NT5DC3: variants seen among roughly 807,000 people sequenced by gnomAD.
The protein encoded by NT5DC3 is 5'-nucleotidase domain containing 3, also known as 5'-nucleotidase domain-containing protein 3.
Under a neutral mutation model 67.8 loss-of-function variants are expected in NT5DC3, and 42 were observed. The observed-to-expected ratio is 0.62, with a 90% CI of 0.48 to 0.80. The LOEUF is 0.80. NT5DC3 is among the 30% of genes least tolerant of loss of function. The probability of loss-of-function intolerance (pLI) is 0.00; values close to 1 mark genes in which losing one functional copy is unlikely to be tolerated. For synonymous variants in NT5DC3, 237 were observed against 255.6 expected, an observed-to-expected ratio of 0.93 and a Z score of 0.69; for missense variants, 570 against 696.4, an observed-to-expected ratio of 0.82 and a Z score of 2.04.
chr12:103,766,213 T>C, downstream of NT5DC3: 3 of 1,588,686 alleles, frequency 1.9e-6, no homozygotes, highest in Non-Finnish European at 2.6e-6. Flanking sequence ...CTCAGACCAG[T>C]GGCCACCAGA....
chr12:103,755,991 A>G, the NT5DC3 span, among the ~76,000 whole-genome samples: 1 of 152,158 alleles, frequency 6.6e-6, no homozygotes, highest in African/African-American at 2.4e-5. Context: ...AAATGAGTTA[A>G]TAGTTGTGAA....
chr12:103,786,480 TG>T (rs912565788), intron 11 of NT5DC3, among the ~76,000 whole-genome samples: 4 of 152,022 alleles, frequency 2.6e-5, no homozygotes, highest in African/African-American at 9.7e-5. Flanking sequence ...AGAGGTGGGC[TG>T]GGGAAGGGGA....
At chr12:103,819,585 A>G (rs1053888117) in intron 1 of NT5DC3, 1 of 152,218 alleles carries the variant, frequency 6.6e-6, no homozygotes, top group Admixed American at 6.5e-5. Flanking sequence ...AGCCACTCTG[A>G]GCTGGGAGCT....
intron 1 of NT5DC3, among the ~76,000 whole-genome samples, chr12:103,833,484 T>A (rs906768927): frequency 1.1e-4 from 17 of 152,206 alleles, no homozygotes. Flanking sequence ...TTGTGTCTTA[T>A]GCTTATACAC....
At chr12:103,838,839 T>TG (rs1888259203) in intron 1 of NT5DC3, among the ~76,000 whole-genome samples, 1 of 152,016 alleles carries the variant, frequency 6.6e-6, no homozygotes, top group Non-Finnish European at 1.5e-5. Context: ...TTATACTTGG[T>TG]GAAAAAAAAC....
In NT5DC3 at chr12:103,815,112, G is replaced by A; in HGVS notation, c.218C>T (p.Pro73Leu). 6.2e-7 allele frequency: 1 copy of A among 1,606,432 alleles called. No individual in the cohort carries two copies. The highest frequency in any genetic ancestry group is 8.5e-7 in the Non-Finnish European group (1 of 1,175,742). ...ATTCAACAAGTTGCTCATAATGGAA[G>A]GAACCAATTCTGGAAATAAAGAAAA... is the stretch of plus-strand genomic sequence containing the variant. The part of the protein sequence containing the change: ...EAKRSTEELV[P>L]SIMSNLLNPD... Residue 73 changes from proline to leucine, a missense_variant, in exon 2 of 14, where the codon CCT (proline) becomes CTT (leucine). By Grantham distance (98) the Pro-to-Leu change is moderately conservative (BLOSUM62 -3). Around this residue, in one of 2 missense-constraint regions of NT5DC3, gnomAD observed 466 missense variants for 608.0 expected, o/e 0.77. Transcript: ENST00000392876.
At chr12:103,758,130 C>T in the NT5DC3 span, 1 of 1,612,976 alleles carries the variant, frequency 6.2e-7, no homozygotes, top group East Asian at 2.2e-5. Context: ...TCCCTGCACA[C>T]CAGGGCTGGC....
intron 1 of NT5DC3, among the ~76,000 whole-genome samples, chr12:103,833,186 AC>A (rs970690402): frequency 6.6e-6 from 1 of 151,652 alleles, no homozygotes; most frequent in Admixed American, 6.6e-5. Flanking sequence ...TAAACCTACT[AC>A]CCCCGTCATT....
In NT5DC3 at chr12:103,815,021, A is replaced by C. The variant is rs200610774; in HGVS notation, c.309T>G (p.Tyr103Ter). Reference protein sequence around the residue: ...LSDIEIYGFDYDYTLVFYSKH... With the variant: ...LSDIEIYGFD ...TTGAATAAAACACCAAGGTGTAATC[A>C]TAATCGAAGCCATAGATTTCAATGT... is the stretch of plus-strand genomic sequence containing the variant. The change falls in exon 2 of 14, where the codon TAT (tyrosine) becomes TAG (stop). Residue 103 changes from tyrosine to a stop codon, truncating the protein, a stop_gained. Coordinates refer to ENST00000392876, the MANE Select transcript of NT5DC3 (RefSeq NM_001031701.3). LOFTEE classifies it high-confidence loss of function. 1 of 1,613,920 alleles carries C rather than the reference A, an allele frequency of 6.2e-7. No homozygotes were observed. Among genetic ancestry groups the C allele is most frequent in the Non-Finnish European group, 8.5e-7 (1 of 1,179,796 alleles).
rs1481725056 is a variant in NT5DC3 at position 103,793,487 on chromosome 12, C to T, written c.840G>A (p.Gln280=). 1 of 1,613,896 alleles carries T rather than the reference C, an allele frequency of 6.2e-7. No homozygotes were observed. Among genetic ancestry groups the T allele is most frequent in the Non-Finnish European group, 8.5e-7 (1 of 1,179,902 alleles). The change falls in exon 8 of 14, where the codon CAG becomes CAA. Residue 280 remains glutamine, a synonymous_variant. Transcript: ENST00000392876. ...DIEKYICYAE[Q]TRAVLAKLAD... ...CCAGTTTGGCCAACACTGCGCGGGTCTGCTCAGCATAGCAGATGTACTTTT... is the reference window on the plus strand; with the variant it reads ...CCAGTTTGGCCAACACTGCGCGGGTTTGCTCAGCATAGCAGATGTACTTTT...
chr12:103,821,205 C>T (rs1375261425), intron 1 of NT5DC3, among the ~76,000 whole-genome samples: 1 of 152,256 alleles, frequency 6.6e-6, no homozygotes, highest in East Asian at 1.9e-4. Context: ...CCCCAGTAGA[C>T]TCTGCAAGAG....
chr12:103,815,138 A>C lies in NT5DC3; in HGVS notation c.209-17T>G, dbSNP rs760820181. On this transcript the variant is annotated splice_polypyrimidine_tract_variant and intron_variant, in intron 1 of 13. Transcript: ENST00000392876. ...GAACCAATTCTGGAAATAAAGAAAA[A>C]AAATACATTATACTACATAATAAAT... The C allele has an allele frequency of 6.5e-7, 1 of 1,539,054 alleles. No individual in the cohort carries two copies. The highest frequency in any genetic ancestry group is 1.8e-5 in the Admixed American group (1 of 57,038).
At chr12:103,765,569 G>A (rs1593365351), downstream of NT5DC3, among the ~76,000 whole-genome samples, 1 of 152,326 alleles carries the variant, frequency 6.6e-6, no homozygotes, top group South Asian at 2.1e-4. Context: ...CACCTCTAGA[G>A]TGTGGCCTTT....
chr12:103,759,586 A>G, the NT5DC3 span, among the ~76,000 whole-genome samples: 1 of 152,188 alleles, frequency 6.6e-6, no homozygotes, highest in African/African-American at 2.4e-5. Context: ...TCCAAAGTCA[A>G]ATGACCCCAG....
the NT5DC3 span, chr12:103,761,264 G>A: frequency 6.3e-7 from 1 of 1,594,310 alleles, no homozygotes; most frequent in South Asian, 1.1e-5. Context: ...CCCACTCGGA[G>A]AGTAAAAGCC....
chr12:103,761,490 C>T, the NT5DC3 span: 6 of 1,248,032 alleles, frequency 4.8e-6, no homozygotes, highest in African/African-American at 1.5e-5. Flanking sequence ...TTACCAGAAG[C>T]CCTGTCCTCC....
chr12:103,808,731 G>A (rs1886905700), intron 2 of NT5DC3, among the ~76,000 whole-genome samples: 3 of 152,122 alleles, frequency 2.0e-5, no homozygotes, highest in Admixed American at 1.3e-4. Context: ...AGAACCCAAC[G>A]CTTGGCACCC....
chr12:103,801,914 C>A (rs1038412775), intron 4 of NT5DC3, among the ~76,000 whole-genome samples: 4 of 152,198 alleles, frequency 2.6e-5, no homozygotes, highest in Non-Finnish European at 5.9e-5. Flanking sequence ...CCAGCTGCCC[C>A]TTAGGCAGGC....
At chr12:103,839,200 A>G in intron 1 of NT5DC3, among the ~76,000 whole-genome samples, 1 of 152,234 alleles carries the variant, frequency 6.6e-6, no homozygotes, top group South Asian at 2.1e-4. Flanking sequence ...AAATGTTACC[A>G]CTGGGAGAAA....
Sources: allele counts gnomAD v4.1 joint callset (sites outside exome capture counted in the v4.1 genomes callset), GRCh38; gene constraint gnomAD v4.1.1; regional missense constraint gnomAD v4.1.1; transcripts MANE v1.5; gene names NCBI Gene and HGNC (gene_info 2026-07-23, HGNC 2026-07-21).